ATP9A: variants seen among roughly 807,000 people sequenced by gnomAD.
The protein encoded by ATP9A is probable phospholipid-transporting ATPase IIA.
ATP9A carries 52 observed loss-of-function variants against 144.1 expected under a neutral mutation model. The observed-to-expected ratio is 0.36, with a 90% CI of 0.29 to 0.45. The LOEUF (loss-of-function observed/expected upper bound fraction) is 0.45. ATP9A is among the 20% of genes least tolerant of loss of function. The pLI, the probability that ATP9A is intolerant of heterozygous loss-of-function variation, is 1.00. For missense variants in ATP9A, 947 were observed against 1,392.7 expected (o/e 0.68, Z 5.09); for synonymous variants, 582 against 557.4 (o/e 1.04, Z -0.62).
chr20:51,657,099 G>A lies in ATP9A; in HGVS notation c.1345C>T (p.Arg449Trp), dbSNP rs778533370. 4.3e-6 allele frequency: 7 copies of A among 1,614,158 alleles called. No individual in the cohort carries two copies. The highest frequency in any genetic ancestry group is 1.1e-5 in the South Asian group (1 of 91,080). Residue 449 changes from arginine (R) to tryptophan (W), a missense_variant, in exon 14 of 28, where the codon CGG becomes TGG. Physicochemically the swap from Arg to Trp is moderately radical, Grantham distance 101. This residue lies in a region of ATP9A where 770 missense variants were observed against 1,047.9 expected (regional missense o/e 0.73). Transcript: ENST00000338821. Reference sequence around the variant, plus strand: ...TGCACGCGGCTGCTCATGGTCCGCCGGACCTTAGTGGTGAGCGTTGGGCCC... The same window carrying A: ...TGCACGCGGCTGCTCATGGTCCGCCAGACCTTAGTGGTGAGCGTTGGGCCC... ...QKGPTLTTKV[R>W]RTMSSRVHEA...
At chr20:51,603,504 G>T (rs933393427) in intron 27 of ATP9A, among the ~76,000 whole-genome samples, 3 of 152,082 alleles carry the variant, frequency 2.0e-5, no homozygotes, top group African/African-American at 7.2e-5. Context: ...CACCCGATGG[G>T]GTCCGTAGCA....
At chr20:51,648,946 G>C (rs989640928) in intron 14 of ATP9A, among the ~76,000 whole-genome samples, 2 of 152,148 alleles carry the variant, frequency 1.3e-5, no homozygotes, top group African/African-American at 4.8e-5. Flanking sequence ...CTTTCTAAGG[G>C]ATGAATCCTA....
At chr20:51,624,776 C>G (rs879435546) in intron 18 of ATP9A, among the ~76,000 whole-genome samples, 4 of 152,028 alleles carry the variant, frequency 2.6e-5, no homozygotes, top group African/African-American at 9.7e-5. Context: ...GAGACTGAGA[C>G]AGACAGATCA....
At chr20:51,723,240 G>A (rs1267135560) in intron 3 of ATP9A, among the ~76,000 whole-genome samples, 1 of 152,048 alleles carries the variant, frequency 6.6e-6, no homozygotes, top group African/African-American at 2.4e-5. Context: ...TGGACTTTGG[G>A]GACTTGGGGA....
intron 9 of ATP9A, among the ~76,000 whole-genome samples, chr20:51,678,130 A>G (rs6063696): frequency 0.57 from 73,996 of 129,348 alleles, 20,797 homozygotes; most frequent in African/African-American, 0.75. Context: ...ACTGGGTGGC[A>G]GGGCGGGGGG....
rs1429920435 is a variant in ATP9A, at chr20:51,598,433, T to C, written c.*2778A>G. 1 of 152,178 alleles carries C rather than the reference T, an allele frequency of 6.6e-6. No homozygotes were observed. The highest frequency in any genetic ancestry group is 2.4e-5 in the African/African-American group (1 of 41,438). The allele number at this position is 152,178 out of a possible 1,614,324, so 9.4% of individuals were successfully genotyped here. ...CTCTGACCTCAAATTAAATTGGCTG[T>C]CAAAGACTTACGGCCCATGGAGCTC... On this transcript the variant is annotated 3_prime_UTR_variant, in exon 28 of 28. Coordinates refer to ENST00000338821, the MANE Select transcript of ATP9A (RefSeq NM_006045.3).
chr20:51,636,667 A>G (rs921731765), intron 15 of ATP9A, among the ~76,000 whole-genome samples: 2 of 152,166 alleles, frequency 1.3e-5, no homozygotes, highest in African/African-American at 4.8e-5. Context: ...CCTCAATTCC[A>G]GCTGTGTGAA....
At chr20:51,655,478 T>C (rs1164256748) in intron 14 of ATP9A, among the ~76,000 whole-genome samples, 5 of 86,774 alleles carry the variant, frequency 5.8e-5, no homozygotes, top group Admixed American at 1.3e-4. Flanking sequence ...AGGATATGGA[T>C]AGACATTTTT....
intron 24 of ATP9A, among the ~76,000 whole-genome samples, chr20:51,609,061 G>A (rs2077175120): frequency 6.6e-6 from 1 of 151,884 alleles, no homozygotes; most frequent in Non-Finnish European, 1.5e-5. Context: ...AGCATTCCAG[G>A]GAGAAGGAAC....
At chr20:51,734,351 C>T (rs2077754459) in intron 1 of ATP9A, among the ~76,000 whole-genome samples, 1 of 152,116 alleles carries the variant, frequency 6.6e-6, no homozygotes, top group Non-Finnish European at 1.5e-5. Flanking sequence ...TCCTCAGTGC[C>T]CAACTTCATA....
chr20:51,701,978 T>C (rs2077595156), intron 4 of ATP9A, among the ~76,000 whole-genome samples: 1 of 151,462 alleles, frequency 6.6e-6, no homozygotes, highest in African/African-American at 2.4e-5. Flanking sequence ...CCGGGCCGCA[T>C]GGCAAAACCC....
intron 4 of ATP9A, among the ~76,000 whole-genome samples, chr20:51,699,325 C>G (rs2077583477): frequency 1.0e-5 from 1 of 96,300 alleles, no homozygotes; most frequent in South Asian, 3.5e-4. Context: ...ACAAGCAAAA[C>G]TCAATCTCAA....
At chr20:51,750,474 C>T (rs12624349) in intron 1 of ATP9A, among the ~76,000 whole-genome samples, 30,542 of 152,166 alleles carry the variant, frequency 0.2, 3,507 homozygotes, top group East Asian at 0.34. Context: ...CCACACAGCA[C>T]GAGCCCAAAA....
chr20:51,746,696 G>A (rs950469229), intron 1 of ATP9A, among the ~76,000 whole-genome samples: 10 of 152,196 alleles, frequency 6.6e-5, no homozygotes, highest in East Asian at 5.8e-4. Context: ...AAAATGGGCC[G>A]GACATGGTGG....
At chr20:51,697,523 C>A (rs777471689) in intron 4 of ATP9A, 41 bp from the exon 5 acceptor site, 9 of 1,591,644 alleles carry the variant, frequency 5.7e-6, no homozygotes, top group Non-Finnish European at 7.7e-6. Context: ...CATCTTAATT[C>A]ATTTCAATTC....
intron 26 of ATP9A, among the ~76,000 whole-genome samples, chr20:51,605,855 G>A (rs1190110959): frequency 6.6e-6 from 1 of 151,232 alleles, no homozygotes; most frequent in African/African-American, 2.4e-5. Flanking sequence ...GGAAGTTGCA[G>A]TAAGCCGAGA....
intron 3 of ATP9A, among the ~76,000 whole-genome samples, chr20:51,724,068 G>A (rs1446167101): frequency 6.6e-6 from 1 of 151,966 alleles, no homozygotes; most frequent in Non-Finnish European, 1.5e-5. Context: ...CTACTCGGGA[G>A]GCTGAGGCAG....
intron 13 of ATP9A, among the ~76,000 whole-genome samples, chr20:51,661,227 A>G (rs1174563936): frequency 6.6e-6 from 1 of 152,250 alleles, no homozygotes; most frequent in African/African-American, 2.4e-5. Context: ...CTGTTATTAC[A>G]GAAAAGATTA....
chr20:51,616,210 A>G (rs571805669), intron 22 of ATP9A, among the ~76,000 whole-genome samples: 4 of 152,132 alleles, frequency 2.6e-5, no homozygotes, highest in Non-Finnish European at 5.9e-5. Flanking sequence ...AAAGAGGGGG[A>G]AAAAAAGCCC....
Sources: allele counts gnomAD v4.1 joint callset (sites outside exome capture counted in the v4.1 genomes callset), GRCh38; gene constraint gnomAD v4.1.1; regional missense constraint gnomAD v4.1.1; transcripts MANE v1.5; gene names NCBI Gene and HGNC (gene_info 2026-07-23, HGNC 2026-07-21).